DDO: variants seen among roughly 807,000 people sequenced by gnomAD.
DDO encodes the protein D-aspartate oxidase, DDO.
Under a neutral mutation model 16.8 loss-of-function variants are expected in DDO, and 16 were observed. That is an observed-to-expected ratio of 0.95 (90% confidence interval 0.65 to 1.45). The LOEUF (loss-of-function observed/expected upper bound fraction) is 1.45. DDO is among the 40% of genes most tolerant of loss of function. The pLI is 0.00. For missense variants in DDO, 429 were observed against 420.3 expected (o/e 1.02, Z -0.18); for synonymous variants, 180 against 167.2 (o/e 1.08, Z -0.59).
downstream of DDO, chr6:110,388,900 G>A (rs1773057359): frequency 4.6e-6 from 3 of 646,560 alleles, no homozygotes; most frequent in African/African-American, 5.9e-5. Context: ...GATTACCCAG[G>A]AAGACCTCAA....
chr6:110,393,207 A>G lies in DDO; in HGVS notation c.594T>C (p.Pro198=). 3 of 1,614,248 alleles carry G rather than the reference A, an allele frequency of 1.9e-6. No individual in the cohort carries two copies. The highest frequency in any genetic ancestry group is 2.5e-6 in the Non-Finnish European group (3 of 1,180,040). ...GAACTTGGAGGACTTGGCCCCTTAC[A>G]GGGAAAATCTTTGAGTCTCCTGCAA... ...RQLAGDSKIF[P]VRGQVLQVQA... The change falls in exon 5 of 5, where the codon CCT becomes CCC. Residue 198 remains proline, a synonymous_variant. Transcript: ENST00000368924.
downstream of DDO, chr6:110,388,713 G>A (rs1001058210): frequency 1.8e-4 from 148 of 806,404 alleles, 1 homozygote; most frequent in Non-Finnish European, 2.1e-4. Context: ...AAGCAGCCTC[G>A]TTCCTCTGGG....
intron 4 of DDO, among the ~76,000 whole-genome samples, chr6:110,395,939 G>A (rs1272055688): frequency 1.3e-5 from 2 of 152,120 alleles, no homozygotes; most frequent in Non-Finnish European, 1.5e-5. Flanking sequence ...AGGCTGAGAT[G>A]GGAAGATCCC....
downstream of DDO, among the ~76,000 whole-genome samples, chr6:110,389,786 A>G (rs1160789003): frequency 1.3e-5 from 2 of 152,230 alleles, no homozygotes; most frequent in Non-Finnish European, 2.9e-5. Context: ...TTGTTACAGA[A>G]GTTATTGTTT....
chr6:110,407,027 A>G (rs566276570), intron 3 of DDO, among the ~76,000 whole-genome samples: 1 of 152,380 alleles, frequency 6.6e-6, no homozygotes. Flanking sequence ...GCATATGCCA[A>G]GTGGTATTAC....
intron 3 of DDO, among the ~76,000 whole-genome samples, chr6:110,407,615 G>A (rs1773701691): frequency 6.6e-6 from 1 of 152,088 alleles, no homozygotes; most frequent in Non-Finnish European, 1.5e-5. Context: ...ATGCACCAAT[G>A]ACATGTATGT....
chr6:110,408,300 A>G (rs752908877), intron 3 of DDO, 34 bp downstream of exon 3: 7 of 1,584,788 alleles, frequency 4.4e-6, no homozygotes, highest in South Asian at 3.3e-5. Flanking sequence ...AGATCATGCT[A>G]CACTCTAAAA....
At chr6:110,400,348 C>G (rs4400251) in intron 4 of DDO, among the ~76,000 whole-genome samples, 29,515 of 121,758 alleles carry the variant, frequency 0.24, 5,548 homozygotes, top group African/African-American at 0.39. Context: ...CGGGCCGGGG[C>G]GGGGACTGGC....
rs753000560 is a variant in DDO at position 110,404,897 on chromosome 6, A to G, written c.335T>C (p.Val112Ala). 3.7e-6 allele frequency: 6 copies of G among 1,614,186 alleles called. No homozygotes were observed. The highest frequency in any genetic ancestry group is 5.1e-6 in the Non-Finnish European group (6 of 1,180,030). ...AGTCATCTTTCGAAATCCCAGAACC[A>G]CGTCAGCCCAGAATGGCACTTCTTC... The part of the protein sequence containing the change: ...PTEEVPFWAD[V>A]VLGFRKMTEA... The change falls in exon 4 of 5, where the codon GTG becomes GCG. Residue 112 changes from valine to alanine, a missense_variant. Physicochemically the swap from Val to Ala is moderately conservative, Grantham distance 64. Transcript: ENST00000368924.
chr6:110,397,139 G>T (rs536160614), intron 4 of DDO, among the ~76,000 whole-genome samples: 1 of 152,140 alleles, frequency 6.6e-6, no homozygotes, highest in Non-Finnish European at 1.5e-5. Flanking sequence ...GGCTCGTTGT[G>T]AAAATGAAAT....
In DDO at chr6:110,392,961, G is replaced by A. The variant is rs755742440; in HGVS notation, c.840C>T (p.Tyr280=). The A allele has an allele frequency of 5.0e-6, 8 of 1,613,898 alleles. No individual in the cohort carries two copies. In the East Asian group the frequency reaches 1.3e-4, roughly 27 times the overall value. ...CTGTCTGCAGTCGCACGCCTGGCCT[G>A]TAGGGCCTCAAGCCCACCTTCTCCC... ...NIREKVGLRP[Y]RPGVRLQTEL... Residue 280 remains tyrosine, a synonymous_variant, in exon 5 of 5, where the codon TAC becomes TAT. Transcript: ENST00000368924.
chr6:110,403,015 T>C (rs752458639), intron 4 of DDO, among the ~76,000 whole-genome samples: 73 of 152,176 alleles, frequency 4.8e-4, no homozygotes, highest in Non-Finnish European at 3.5e-4. Context: ...GTGGCAATAA[T>C]GAAACTTCAG....
Position 110,413,347 on chromosome 6 carries a change from G to C in DDO, c.116C>G (p.Thr39Ser). The change falls in exon 2 of 5, where the codon ACT becomes AGT. Residue 39 changes from threonine to serine, a missense_variant. By Grantham distance (58) the Thr-to-Ser change is moderately conservative. Transcript: ENST00000368924. ...TGCCACATCACTGGTGGTATCTGGA[G>C]TAAACTTGTCTGAAATGATGGTAAC... is the stretch of plus-strand genomic sequence containing the variant. ...CSVTIISDKF[T>S]PDTTSDVAAG... 2 of 1,614,178 alleles carry C rather than the reference G, an allele frequency of 1.2e-6. No homozygotes were observed. Among genetic ancestry groups the C allele is most frequent in the Non-Finnish European group, 1.7e-6 (2 of 1,180,038 alleles).
intron 2 of DDO, among the ~76,000 whole-genome samples, chr6:110,411,688 G>T (rs1435508113): frequency 6.6e-6 from 1 of 152,190 alleles, no homozygotes; most frequent in Non-Finnish European, 1.5e-5. Flanking sequence ...TGGAGGACCA[G>T]TCTGGGAGGT....
rs1414214809 is a variant in DDO at position 110,392,814 on chromosome 6, G to T, written c.987C>A (p.Val329=). 6.2e-7 allele frequency: 1 copy of T among 1,602,324 alleles called. No homozygotes were observed. The highest frequency in any genetic ancestry group is 8.5e-7 in the Non-Finnish European group (1 of 1,173,320). Residue 329 remains valine (V), a synonymous_variant, in exon 5 of 5, where the codon GTC becomes GTA. Coordinates refer to ENST00000368924, the MANE Select transcript of DDO (RefSeq NM_001372108.2). ...LEAARLVSEC[V]HALRTPIPKS... is the part of the protein sequence containing the mutation. ...TGGGAATGGGGGTCCTGAGGGCATG[G>T]ACACACTCGCTCACCAGCCTGGCGG...
chr6:110,409,820 C>G (rs1236974869), intron 2 of DDO, among the ~76,000 whole-genome samples: 2 of 152,162 alleles, frequency 1.3e-5, no homozygotes, highest in Non-Finnish European at 2.9e-5. Context: ...TGTTCTCACC[C>G]CAAACCTTAA....
intron 4 of DDO, among the ~76,000 whole-genome samples, chr6:110,397,304 C>T (rs1019880739): frequency 8.5e-5 from 13 of 152,192 alleles, no homozygotes; most frequent in African/African-American, 2.4e-4. Context: ...TCCTCCATAC[C>T]TGTATATCAC....
intron 1 of DDO, among the ~76,000 whole-genome samples, chr6:110,413,904 A>G (rs1773950904): frequency 6.6e-6 from 1 of 151,992 alleles, no homozygotes; most frequent in Non-Finnish European, 1.5e-5. Flanking sequence ...CTCCTGAGTA[A>G]CTGGGATTAC....
intron 3 of DDO, among the ~76,000 whole-genome samples, chr6:110,407,217 T>C (rs1222655671): frequency 6.6e-6 from 1 of 152,214 alleles, no homozygotes; most frequent in African/African-American, 2.4e-5. Context: ...CCAAAATTTG[T>C]GAATTAGACG....
Sources: gnomAD v4.1 joint callset for allele counts (sites outside exome capture counted in the v4.1 genomes callset) on GRCh38, gnomAD v4.1.1 for gene constraint, MANE v1.5 for transcripts, NCBI Gene and HGNC (gene_info 2026-07-23, HGNC 2026-07-21) for gene names.